The following GABRB3 variants were observed in gnomAD, a reference collection of about 807,000 sequenced individuals.
The protein encoded by GABRB3 is gamma-aminobutyric acid type A receptor subunit beta3.
A neutral mutation model predicts 52.1 loss-of-function variants in GABRB3; 14 were observed. That is an observed-to-expected ratio of 0.27 (90% confidence interval 0.18 to 0.42). GABRB3 has a LOEUF of 0.42. Ranked by LOEUF, GABRB3 falls within the 10% of genes least tolerant of loss-of-function variation. The probability of loss-of-function intolerance (pLI) is 1.00; values close to 1 mark genes in which losing one functional copy is unlikely to be tolerated. For missense variants in GABRB3, 307 were observed against 609.1 expected (o/e 0.50, Z 5.22); for synonymous variants, 260 against 232.3 (o/e 1.12, Z -1.08).
Position 26,680,492 on chromosome 15 carries a change from T to C in GABRB3, c.241-58958A>G, listed in dbSNP as rs556059097. ...GCCTTGTTATGAAATTGACTCTTCT[T>C]GGTGTAACAGTCAAGTTCTATTGTA... On this transcript the variant is annotated intron_variant, in intron 3 of 8. Coordinates refer to ENST00000311550, the MANE Select transcript of GABRB3 (RefSeq NM_000814.6). Among the ~76,000 whole-genome samples, 329 of 152,318 alleles carry C rather than the reference T, an allele frequency of 2.2e-3. 4 individuals carry two copies. The highest frequency in any genetic ancestry group is 7.7e-3 in the African/African-American group (318 of 41,566).
chr15:26,712,893 G>A (rs1248760531), intron 3 of GABRB3, among the ~76,000 whole-genome samples: 2 of 152,190 alleles, frequency 1.3e-5, no homozygotes, highest in Non-Finnish European at 2.9e-5. Flanking sequence ...CGCGGGCTGG[G>A]AAACCCAAAG....
intron 3 of GABRB3, among the ~76,000 whole-genome samples, chr15:26,703,962 G>T (rs1889015782): frequency 6.6e-6 from 1 of 152,132 alleles, no homozygotes; most frequent in Non-Finnish European, 1.5e-5. Context: ...CATATTGATG[G>T]CTCTACATTC....
chr15:26,753,067 G>C (rs987563121), intron 3 of GABRB3, among the ~76,000 whole-genome samples: 2 of 152,174 alleles, frequency 1.3e-5, no homozygotes, highest in African/African-American at 4.8e-5. Flanking sequence ...TGCAGGCTCT[G>C]ATACCTCTTG....
chr15:26,630,114 C>T (rs571690313), intron 3 of GABRB3, among the ~76,000 whole-genome samples: 1 of 152,244 alleles, frequency 6.6e-6, no homozygotes, highest in African/African-American at 2.4e-5. Flanking sequence ...CCTTGTGGAG[C>T]AATTATCCTT....
At chr15:26,731,537 G>C (rs936594632) in intron 3 of GABRB3, among the ~76,000 whole-genome samples, 6 of 152,254 alleles carry the variant, frequency 3.9e-5, no homozygotes, top group African/African-American at 1.4e-4. Context: ...ATATGCCAGT[G>C]GGGGATGCAG....
At chr15:26,650,984 G>C in intron 3 of GABRB3, among the ~76,000 whole-genome samples, 1 of 152,140 alleles carries the variant, frequency 6.6e-6, no homozygotes, top group East Asian at 1.9e-4. Flanking sequence ...TCCTTCAACT[G>C]TCTGTGCGAC....
intron 7 of GABRB3, among the ~76,000 whole-genome samples, chr15:26,565,551 G>C (rs1343262567): frequency 6.6e-6 from 1 of 152,144 alleles, no homozygotes; most frequent in Admixed American, 6.5e-5. Flanking sequence ...CAGAGGCACA[G>C]TTTGTTTATA....
chr15:26,602,687 A>C (rs56031087), intron 4 of GABRB3, among the ~76,000 whole-genome samples: 48,001 of 151,986 alleles, frequency 0.32, 9,280 homozygotes, highest in Middle Eastern at 0.47. Flanking sequence ...GAAATTAAGA[A>C]AGAAACTGAA....
chr15:26,702,845 T>C (rs1023058589), intron 3 of GABRB3, among the ~76,000 whole-genome samples: 1 of 152,192 alleles, frequency 6.6e-6, no homozygotes, highest in Non-Finnish European at 1.5e-5. Flanking sequence ...GAAATAGCTG[T>C]AACAAAATAC....
chr15:26,645,143 G>C (rs1893313475), intron 3 of GABRB3, among the ~76,000 whole-genome samples: 1 of 152,104 alleles, frequency 6.6e-6, no homozygotes, highest in South Asian at 2.1e-4. Flanking sequence ...TCTAGAGGCT[G>C]AGGCGGGAAG....
At chr15:26,660,294 C>T (rs968137191) in intron 3 of GABRB3, among the ~76,000 whole-genome samples, 3 of 151,696 alleles carry the variant, frequency 2.0e-5, no homozygotes, top group Non-Finnish European at 4.4e-5. Flanking sequence ...CCTCTAGATA[C>T]TCAGTTGATT....
At chr15:26,700,082 C>A (rs955388251) in intron 3 of GABRB3, among the ~76,000 whole-genome samples, 17 of 151,642 alleles carry the variant, frequency 1.1e-4, no homozygotes, top group African/African-American at 3.6e-4. Context: ...ATCAATAAAC[C>A]TTTACCAGAC....
chr15:26,580,868 G>A (rs759060218), intron 5 of GABRB3, among the ~76,000 whole-genome samples: 2 of 152,254 alleles, frequency 1.3e-5, no homozygotes, highest in South Asian at 4.1e-4. Flanking sequence ...TTCTGAGAGA[G>A]TTCAAAGTTC....
At chr15:26,718,192 CTTAT>C (rs759760045) in intron 3 of GABRB3, among the ~76,000 whole-genome samples, 3 of 152,094 alleles carry the variant, frequency 2.0e-5, no homozygotes, top group Non-Finnish European at 4.4e-5. Flanking sequence ...AATTTAATAG[CTTAT>C]TTCTTATTTA....
At chr15:26,718,232 G>T (rs1225872522) in intron 3 of GABRB3, among the ~76,000 whole-genome samples, 1 of 151,938 alleles carries the variant, frequency 6.6e-6, no homozygotes, top group East Asian at 1.9e-4. Context: ...TTTTGGGACG[G>T]AGTTTTGCTC....
chr15:26,639,591 C>T (rs902817909), intron 3 of GABRB3, among the ~76,000 whole-genome samples: 1 of 152,156 alleles, frequency 6.6e-6, no homozygotes, highest in African/African-American at 2.4e-5. Flanking sequence ...TGGAACCAAT[C>T]CTTCAAGGAT....
intron 4 of GABRB3, among the ~76,000 whole-genome samples, chr15:26,583,985 C>G (rs1259855629): frequency 6.6e-6 from 1 of 151,998 alleles, no homozygotes; most frequent in Non-Finnish European, 1.5e-5. Context: ...ACCATGTTAG[C>G]CAGGATGGTC....
At chr15:26,748,662 T>A (rs572555455) in intron 3 of GABRB3, among the ~76,000 whole-genome samples, 2 of 152,332 alleles carry the variant, frequency 1.3e-5, no homozygotes, top group Non-Finnish European at 2.9e-5. Context: ...TTTATTTGAT[T>A]AACTTTCTCT....
chr15:26,606,804 C>CGACAGA (rs200249563), intron 4 of GABRB3, among the ~76,000 whole-genome samples: 5 of 42,770 alleles, frequency 1.2e-4, no homozygotes, highest in Non-Finnish European at 2.3e-4. Flanking sequence ...ATAGATATAT[C>CGACAGA]TATAGATAGA....
Sources: allele counts gnomAD v4.1 joint callset (sites outside exome capture counted in the v4.1 genomes callset), GRCh38; gene constraint gnomAD v4.1.1; transcripts MANE v1.5; gene names NCBI Gene and HGNC (gene_info 2026-07-23, HGNC 2026-07-21).